NLGN1: variants seen among roughly 807,000 people sequenced by gnomAD.
NLGN1 encodes the protein neuroligin 1, also known as neuroligin-1.
Under a neutral mutation model 65.5 loss-of-function variants are expected in NLGN1, and 12 were observed. The observed-to-expected ratio is 0.18, with a 90% CI of 0.12 to 0.30. The LOEUF (loss-of-function observed/expected upper bound fraction) is 0.30. NLGN1 is among the 10% of genes least tolerant of loss of function. NLGN1 has a pLI of 1.00. For missense variants in NLGN1, 750 were observed against 1,007.1 expected (o/e 0.74, Z 3.46); for synonymous variants, 350 against 359.5 (o/e 0.97, Z 0.30).
Position 174,279,120 on chromosome 3 carries a change from G to A in NLGN1, c.1119G>A (p.Met373Ile). ...TACCAGACGACCCCCAGATATTGAT[G>A]GAGCAAGGAGAGTTTCTCAACTATG... The change falls in exon 6 of 7, where the codon ATG becomes ATA. Residue 373 changes from methionine (M) to isoleucine (I), a missense_variant. Transcript: ENST00000457714. The surrounding 1 kb of genome is among the most constrained non-coding windows in gnomAD (Gnocchi z 4.7). 1.2e-6 allele frequency: 2 copies of A among 1,613,362 alleles called. No individual in the cohort carries two copies. The highest frequency in any genetic ancestry group is 1.7e-6 in the Non-Finnish European group (2 of 1,179,540).
chr3:173,401,876 G>A (rs145253580), intron 1 of NLGN1, among the ~76,000 whole-genome samples: 78 of 152,190 alleles, frequency 5.1e-4, no homozygotes, highest in Middle Eastern at 6.8e-3. Flanking sequence ...AAAGTAACCA[G>A]GATAATACTG....
chr3:173,769,503 G>T (rs757676542), intron 3 of NLGN1, among the ~76,000 whole-genome samples: 1 of 152,150 alleles, frequency 6.6e-6, no homozygotes, highest in Non-Finnish European at 1.5e-5. Context: ...TTCAGCATGT[G>T]GTCCCCTGAC....
At chr3:173,899,618 A>G (rs1198682372) in intron 4 of NLGN1, among the ~76,000 whole-genome samples, 1 of 152,110 alleles carries the variant, frequency 6.6e-6, no homozygotes, top group Non-Finnish European at 1.5e-5. Context: ...TGTCATGTGA[A>G]AGTTACAGGA....
chr3:173,681,372 A>T (rs1474554078), intron 3 of NLGN1, among the ~76,000 whole-genome samples: 1 of 152,202 alleles, frequency 6.6e-6, no homozygotes, highest in African/African-American at 2.4e-5. Flanking sequence ...AAAGGCAAGG[A>T]TGAATTTGCA....
chr3:173,845,213 T>C (rs538838347), intron 4 of NLGN1, among the ~76,000 whole-genome samples: 35 of 152,342 alleles, frequency 2.3e-4, no homozygotes, highest in African/African-American at 7.5e-4. Flanking sequence ...GGAACAAATA[T>C]GTTTTTGAGG....
intron 4 of NLGN1, among the ~76,000 whole-genome samples, chr3:174,156,202 C>G (rs1283434751): frequency 6.6e-6 from 1 of 151,828 alleles, no homozygotes; most frequent in Non-Finnish European, 1.5e-5. Flanking sequence ...TTGTTATTTG[C>G]TAGATAGTGA....
At chr3:173,932,828 TC>T (rs1351471392) in intron 4 of NLGN1, among the ~76,000 whole-genome samples, 1 of 152,040 alleles carries the variant, frequency 6.6e-6, no homozygotes, top group African/African-American at 2.4e-5. Flanking sequence ...ATATGAAGAG[TC>T]AGTTAGATGT....
chr3:174,002,028 A>T (rs1049677536), intron 4 of NLGN1, among the ~76,000 whole-genome samples: 5 of 151,744 alleles, frequency 3.3e-5, no homozygotes, highest in African/African-American at 1.2e-4. Flanking sequence ...GGAAAAGTTA[A>T]GGTAACAGAA....
chr3:173,824,498 C>T (rs73880591), intron 4 of NLGN1, among the ~76,000 whole-genome samples: 19,283 of 151,970 alleles, frequency 0.13, 1,345 homozygotes, highest in African/African-American at 0.18. Flanking sequence ...TTTAAAACAA[C>T]AAAAGTAAAC....
intron 4 of NLGN1, among the ~76,000 whole-genome samples, chr3:174,048,155 C>T (rs1320972478): frequency 6.6e-6 from 1 of 152,224 alleles, no homozygotes; most frequent in Non-Finnish European, 1.5e-5. Context: ...ACATTCTCAA[C>T]ACATCGTTGC....
intron 3 of NLGN1, among the ~76,000 whole-genome samples, chr3:173,722,399 C>T (rs746031367): frequency 1.3e-5 from 2 of 151,860 alleles, no homozygotes; most frequent in South Asian, 4.2e-4. Context: ...CCTGCCACCA[C>T]GCCCGACTAA....
At chr3:174,023,713 C>T (rs1338464253) in intron 4 of NLGN1, among the ~76,000 whole-genome samples, 3 of 152,044 alleles carry the variant, frequency 2.0e-5, no homozygotes, top group East Asian at 1.9e-4. Context: ...GCTGGGAAAT[C>T]GCAGTAGCAG....
chr3:173,999,559 G>T (rs1722895326), intron 4 of NLGN1, among the ~76,000 whole-genome samples: 2 of 152,098 alleles, frequency 1.3e-5, no homozygotes, highest in Admixed American at 1.3e-4. Flanking sequence ...AAGTTTCATA[G>T]AATATGTTTG....
At chr3:174,051,890 A>T (rs1734969643) in intron 4 of NLGN1, among the ~76,000 whole-genome samples, 1 of 152,026 alleles carries the variant, frequency 6.6e-6, no homozygotes, top group African/African-American at 2.4e-5. Context: ...AAGATGTAAC[A>T]CAATACAATT....
At chr3:173,875,073 C>T (rs1296210963) in intron 4 of NLGN1, among the ~76,000 whole-genome samples, 3 of 152,164 alleles carry the variant, frequency 2.0e-5, no homozygotes, top group African/African-American at 4.8e-5. Context: ...ATCACATCCC[C>T]TTTGTTACTC....
At chr3:173,835,199 T>G (rs1373176526) in intron 4 of NLGN1, among the ~76,000 whole-genome samples, 1 of 152,196 alleles carries the variant, frequency 6.6e-6, no homozygotes, top group African/African-American at 2.4e-5. Context: ...TATCAGAAAT[T>G]TATTATTTTG....
At chr3:174,244,526 A>G (rs1401225528) in intron 4 of NLGN1, among the ~76,000 whole-genome samples, 1 of 152,226 alleles carries the variant, frequency 6.6e-6, no homozygotes, top group African/African-American at 2.4e-5. Context: ...TACTTTATTG[A>G]AGAAAATGCC....
At chr3:174,051,908 G>A (rs1734972780) in intron 4 of NLGN1, among the ~76,000 whole-genome samples, 1 of 152,004 alleles carries the variant, frequency 6.6e-6, no homozygotes, top group Non-Finnish European at 1.5e-5. Context: ...ATTGAAAAAG[G>A]ATGCGGATTC....
At chr3:174,166,342 T>G (rs542722510) in intron 4 of NLGN1, among the ~76,000 whole-genome samples, 1 of 152,262 alleles carries the variant, frequency 6.6e-6, no homozygotes, top group East Asian at 1.9e-4. Flanking sequence ...ACTATAAACC[T>G]TCCTCTTAAC....
Sources: gnomAD v4.1 joint callset for allele counts (sites outside exome capture counted in the v4.1 genomes callset) on GRCh38, gnomAD v4.1.1 for gene constraint, Gnocchi (gnomAD v3.1) non-coding constraint, MANE v1.5 for transcripts, NCBI Gene and HGNC (gene_info 2026-07-23, HGNC 2026-07-21) for gene names.